The following GALK2 variants were observed in gnomAD, a reference collection of about 807,000 sequenced individuals.
The protein encoded by GALK2 is N-acetylgalactosamine kinase.
Under a neutral mutation model 52.4 loss-of-function variants are expected in GALK2, and 36 were observed. The observed-to-expected ratio is 0.69, with a 90% confidence interval of 0.53 to 0.91. The LOEUF (loss-of-function observed/expected upper bound fraction) is 0.91, where lower values mean the gene tolerates loss of function less well. Among genes scored for constraint, GALK2 ranks in the 40% least tolerant of loss-of-function variants. The pLI is 0.00. For synonymous variants in GALK2, 176 were observed against 199.1 expected (o/e 0.88, Z 0.98); for missense variants, 579 against 559.1 (o/e 1.04, Z -0.36).
At chr15:49,181,796 AT>A (rs1292998356) in intron 1 of GALK2, among the ~76,000 whole-genome samples, 2 of 151,888 alleles carry the variant, frequency 1.3e-5, no homozygotes, top group African/African-American at 2.4e-5. Flanking sequence ...CAAACTTAAC[AT>A]TTTACCACAT....
intron 5 of GALK2, among the ~76,000 whole-genome samples, chr15:49,259,364 A>G (rs1439279893): frequency 1.1e-5 from 1 of 87,342 alleles, no homozygotes; most frequent in African/African-American, 4.7e-5. Context: ...ACAGTTCCCC[A>G]GAGTGTGATG....
intron 3 of GALK2, among the ~76,000 whole-genome samples, chr15:49,230,883 T>C (rs925433327): frequency 6.6e-5 from 10 of 152,210 alleles, no homozygotes; most frequent in Admixed American, 6.5e-4. Context: ...GATAATGTAA[T>C]GCAGGGTTGA....
At chr15:49,249,588 T>C (rs2091501472) in intron 5 of GALK2, among the ~76,000 whole-genome samples, 1 of 152,150 alleles carries the variant, frequency 6.6e-6, no homozygotes, top group Admixed American at 6.6e-5. Context: ...GTTTTTGTAA[T>C]TGTATGAAGT....
intron 1 of GALK2, among the ~76,000 whole-genome samples, chr15:49,193,306 C>G (rs1000402334): frequency 2.6e-5 from 4 of 151,652 alleles, no homozygotes; most frequent in East Asian, 1.9e-4. Context: ...CCTGTTTATA[C>G]CTTTTACACA....
At chr15:49,199,829 A>G (rs1000950606) in intron 1 of GALK2, among the ~76,000 whole-genome samples, 1 of 152,194 alleles carries the variant, frequency 6.6e-6, no homozygotes, top group Admixed American at 6.5e-5. Flanking sequence ...AGCAGAGAGA[A>G]GTTTATAATG....
chr15:49,340,904 A>T (rs1209219784), intron 3 of GALK2, among the ~76,000 whole-genome samples: 1 of 152,188 alleles, frequency 6.6e-6, no homozygotes, highest in Admixed American at 6.5e-5. Context: ...AAAGTCTTAC[A>T]TTTAAATATT....
At chr15:49,347,635 T>TA (rs1384540083) in intron 3 of GALK2, among the ~76,000 whole-genome samples, 8 of 152,294 alleles carry the variant, frequency 5.3e-5, no homozygotes, top group African/African-American at 1.9e-4. Context: ...CTGAGAAGCT[T>TA]AGTTATTATC....
At chr15:49,163,642 G>T (rs903124285) in intron 1 of GALK2, among the ~76,000 whole-genome samples, 1 of 152,178 alleles carries the variant, frequency 6.6e-6, no homozygotes, top group Non-Finnish European at 1.5e-5. Flanking sequence ...CAGTTTAATT[G>T]TCAGCATAAT....
At chr15:49,293,125 A>G (rs1157068078) in intron 8 of GALK2, among the ~76,000 whole-genome samples, 1 of 152,182 alleles carries the variant, frequency 6.6e-6, no homozygotes, top group Non-Finnish European at 1.5e-5. Flanking sequence ...GGGGGCAAGG[A>G]CATCTAGTTA....
chr15:49,233,002 G>A (rs1037328157), intron 3 of GALK2, among the ~76,000 whole-genome samples: 2 of 152,064 alleles, frequency 1.3e-5, no homozygotes, highest in African/African-American at 4.8e-5. Flanking sequence ...AGTTCCAAAT[G>A]CAAATTCACA....
intron 5 of GALK2, among the ~76,000 whole-genome samples, chr15:49,242,278 C>T (rs549450447): frequency 7.2e-5 from 11 of 152,078 alleles, no homozygotes; most frequent in Admixed American, 1.3e-4. Context: ...TGGGTAAGGT[C>T]AAGGGAACTA....
rs140634230 is a variant in GALK2 at position 49,366,347 on chromosome 15, A to G, written c.427-1144A>G. On this transcript the variant is annotated intron_variant, in intron 3 of 3. Coordinates refer to the GALK2 transcript ENST00000558399. ...AAATAGGATACTGTTATTGACAACC[A>G]ACATTGCTTCAGCACCTCTTTTCTG... The G allele has an allele frequency of 1.8e-3, 1,419 of 787,360 alleles. 18 individuals carry two copies. The African/African-American group carries it at 0.022, about 12-fold the overall frequency. 48.8% of individuals were successfully genotyped at this position (787,360 alleles called of 1,614,324 possible).
At chr15:49,158,671 GA>G (rs1192145812) in intron 1 of GALK2, among the ~76,000 whole-genome samples, 3 of 151,850 alleles carry the variant, frequency 2.0e-5, no homozygotes, top group Non-Finnish European at 4.4e-5. Context: ...TCAAAATAAA[GA>G]AAAAAATGAA....
chr15:49,307,211 T>C (rs1248337532), intron 8 of GALK2, among the ~76,000 whole-genome samples: 1 of 152,146 alleles, frequency 6.6e-6, no homozygotes, highest in Non-Finnish European at 1.5e-5. Context: ...CTCTGCATGC[T>C]GCCAGTGGAC....
intron 1 of GALK2, among the ~76,000 whole-genome samples, chr15:49,191,103 T>C (rs531439303): frequency 6.6e-6 from 1 of 152,266 alleles, no homozygotes; most frequent in African/African-American, 2.4e-5. Context: ...CGGAGGTTGG[T>C]TTTATAGACA....
intron 1 of GALK2, among the ~76,000 whole-genome samples, chr15:49,184,251 T>A (rs1241032844): frequency 6.6e-6 from 1 of 152,174 alleles, no homozygotes; most frequent in African/African-American, 2.4e-5. Flanking sequence ...ATAGTTTTTT[T>A]TTTGGAAATC....
At chr15:49,307,429 T>C (rs1372722531) in intron 8 of GALK2, among the ~76,000 whole-genome samples, 5 of 152,296 alleles carry the variant, frequency 3.3e-5, no homozygotes, top group African/African-American at 9.6e-5. Flanking sequence ...AAGTTTGTTA[T>C]GGTATGTATG....
chr15:49,283,657 T>A lies in GALK2; in HGVS notation c.695T>A (p.Met232Lys), dbSNP rs760258023. Reference sequence around the variant, plus strand: ...GTGATTGCCAACAGTTGTGTGGAGATGAATAAGGCAGCAACTTCCCATTTC... The same window carrying A: ...GTGATTGCCAACAGTTGTGTGGAGAAGAATAAGGCAGCAACTTCCCATTTC... ...VFVIANSCVE[M>K]NKAATSHFNI... Residue 232 changes from methionine to lysine, a missense_variant, in exon 7 of 10, where the codon ATG becomes AAG. Physicochemically the swap from Met to Lys is moderately conservative, Grantham distance 95. Coordinates refer to ENST00000560031, the MANE Select transcript of GALK2 (RefSeq NM_002044.4). 1 of 1,613,984 alleles carries A rather than the reference T, an allele frequency of 6.2e-7. No individual in the cohort carries two copies. Among genetic ancestry groups the A allele is most frequent in the African/African-American group, 1.3e-5 (1 of 74,914 alleles).
chr15:49,218,651 G>T (rs1000339817), intron 3 of GALK2, among the ~76,000 whole-genome samples: 1 of 152,226 alleles, frequency 6.6e-6, no homozygotes, highest in Admixed American at 6.5e-5. Context: ...ATTTGTTTTA[G>T]CATTCATTGT....
Sources: allele counts gnomAD v4.1 joint callset (sites outside exome capture counted in the v4.1 genomes callset), GRCh38; gene constraint gnomAD v4.1.1; transcripts MANE v1.5; gene names NCBI Gene and HGNC (gene_info 2026-07-23, HGNC 2026-07-21).